ZFPM2: variants seen among roughly 807,000 people sequenced by gnomAD.
ZFPM2 encodes zinc finger protein, FOG family member 2.
ZFPM2 carries 20 observed loss-of-function variants against 98.6 expected under a neutral mutation model. That is an observed-to-expected ratio of 0.20 (90% CI 0.14 to 0.29). The LOEUF is 0.29. Ranked by LOEUF, ZFPM2 falls within the 10% of genes least tolerant of loss-of-function variation. The probability of loss-of-function intolerance (pLI) is 1.00; values close to 1 mark genes in which losing one functional copy is unlikely to be tolerated. For synonymous variants in ZFPM2, 518 were observed against 502.7 expected, an observed-to-expected ratio of 1.03 and a Z score of -0.41; for missense variants, 1,310 against 1,388.6, an observed-to-expected ratio of 0.94 and a Z score of 0.90.
intron 5 of ZFPM2, among the ~76,000 whole-genome samples, chr8:105,697,329 C>G (rs1194638863): frequency 1.3e-5 from 2 of 152,158 alleles, no homozygotes; most frequent in African/African-American, 2.4e-5. Flanking sequence ...GATGTAGTTG[C>G]CTTTGGTATA....
At chr8:105,525,925 T>G (rs1386635659) in intron 3 of ZFPM2, among the ~76,000 whole-genome samples, 1 of 152,166 alleles carries the variant, frequency 6.6e-6, no homozygotes, top group Non-Finnish European at 1.5e-5. Flanking sequence ...AAATAATACA[T>G]GGACATATTT....
chr8:105,445,866 A>G (rs1409519310), intron 3 of ZFPM2, among the ~76,000 whole-genome samples: 2 of 151,286 alleles, frequency 1.3e-5, no homozygotes, highest in Non-Finnish European at 2.9e-5. Context: ...CATCCTCCCA[A>G]GGGAATTACA....
At chr8:105,447,148 TC>T (rs1812390687) in intron 3 of ZFPM2, among the ~76,000 whole-genome samples, 1 of 151,990 alleles carries the variant, frequency 6.6e-6, no homozygotes, top group African/African-American at 2.4e-5. Flanking sequence ...TGTTTTCCTG[TC>T]TTAAAATATC....
intron 3 of ZFPM2, among the ~76,000 whole-genome samples, chr8:105,539,526 A>G (rs1222085317): frequency 1.3e-5 from 2 of 152,166 alleles, no homozygotes; most frequent in South Asian, 2.1e-4. Context: ...GAAAAAAGTA[A>G]TGCTTTGCCT....
At chr8:105,760,284 C>G (rs1812705878) in intron 5 of ZFPM2, among the ~76,000 whole-genome samples, 2 of 151,874 alleles carry the variant, frequency 1.3e-5, no homozygotes, top group Non-Finnish European at 1.5e-5. Context: ...GGGGTTGTAT[C>G]TTTTAGAGCC....
intron 5 of ZFPM2, among the ~76,000 whole-genome samples, chr8:105,669,128 A>AT (rs1460566122): frequency 6.6e-6 from 1 of 152,084 alleles, no homozygotes; most frequent in East Asian, 1.9e-4. Context: ...CAATGACTAT[A>AT]TTGCAAGCAA....
At chr8:105,737,180 T>C (rs1812094384) in intron 5 of ZFPM2, 1 of 152,064 alleles carries the variant, frequency 6.6e-6, no homozygotes. Context: ...AGATTTCCTC[T>C]CAAATTATTC....
intron 5 of ZFPM2, among the ~76,000 whole-genome samples, chr8:105,694,238 G>A (rs1232372195): frequency 2.0e-5 from 3 of 151,532 alleles, no homozygotes; most frequent in Non-Finnish European, 2.9e-5. Context: ...TGCCCCCCGC[G>A]GCCTCCCAAA....
chr8:105,784,225 G>A (rs1175546882), intron 5 of ZFPM2, among the ~76,000 whole-genome samples: 6 of 152,108 alleles, frequency 3.9e-5, no homozygotes, highest in African/African-American at 7.2e-5. Context: ...AAATTAAAGC[G>A]GGCCATATTT....
rs1266618200 is a variant in ZFPM2, at chr8:105,502,625, C to A, written c.301+58244C>A. 2.0e-5 allele frequency among the ~76,000 whole-genome samples: 3 copies of A among 152,180 alleles called. No homozygotes were observed. In the East Asian group the frequency reaches 5.8e-4, roughly 29 times the overall value. Reference sequence around the variant, plus strand: ...TAGAAAAGCAAAAGTTAGTGGGTAGCAACCAACATGGTTTTGTGAAGAGCA... The same window carrying A: ...TAGAAAAGCAAAAGTTAGTGGGTAGAAACCAACATGGTTTTGTGAAGAGCA... On this transcript the variant is annotated intron_variant, in intron 3 of 7. Coordinates refer to ENST00000407775, the MANE Select transcript of ZFPM2 (RefSeq NM_012082.4).
At chr8:105,522,355 C>G (rs1814081885) in intron 3 of ZFPM2, among the ~76,000 whole-genome samples, 1 of 152,106 alleles carries the variant, frequency 6.6e-6, no homozygotes, top group Admixed American at 6.6e-5. Flanking sequence ...AACTTTTCAC[C>G]ATGTAATTAA....
chr8:105,349,607 T>C (rs2129704004), intron 1 of ZFPM2, among the ~76,000 whole-genome samples: 1 of 152,300 alleles, frequency 6.6e-6, no homozygotes, highest in Non-Finnish European at 1.5e-5. Context: ...TTTAAGACCT[T>C]CTAGAAACTC....
At chr8:105,740,685 ATAGT>A (rs1419281428) in intron 5 of ZFPM2, among the ~76,000 whole-genome samples, 8 of 151,578 alleles carry the variant, frequency 5.3e-5, no homozygotes, top group Admixed American at 4.6e-4. Flanking sequence ...TATTTAATAA[ATAGT>A]TAGAAAATTC....
intron 1 of ZFPM2, among the ~76,000 whole-genome samples, chr8:105,378,559 T>C (rs1810777165): frequency 6.6e-6 from 1 of 152,200 alleles, no homozygotes; most frequent in Admixed American, 6.6e-5. Flanking sequence ...CTACAAATAG[T>C]TGGAGGACGC....
chr8:105,522,807 G>A (rs1273578222), intron 3 of ZFPM2, among the ~76,000 whole-genome samples: 1 of 151,948 alleles, frequency 6.6e-6, no homozygotes, highest in Non-Finnish European at 1.5e-5. Context: ...ATTTCAGTTT[G>A]AAATTATAAC....
chr8:105,607,848 C>A (rs1816226683), intron 4 of ZFPM2, among the ~76,000 whole-genome samples: 1 of 152,052 alleles, frequency 6.6e-6, no homozygotes, highest in Admixed American at 6.6e-5. Context: ...AATATCCTTA[C>A]CTGGAGGAAT....
intron 3 of ZFPM2, among the ~76,000 whole-genome samples, chr8:105,493,359 G>T (rs1336465246): frequency 6.6e-6 from 1 of 152,120 alleles, no homozygotes; most frequent in Non-Finnish European, 1.5e-5. Flanking sequence ...ATCCTTTTTG[G>T]AAAAGCAGGT....
chr8:105,627,862 T>C (rs1816687413), intron 4 of ZFPM2, among the ~76,000 whole-genome samples: 1 of 152,176 alleles, frequency 6.6e-6, no homozygotes, highest in South Asian at 2.1e-4. Context: ...AAAAGAGATC[T>C]GGAAATTGAA....
intron 1 of ZFPM2, among the ~76,000 whole-genome samples, chr8:105,379,562 T>C (rs1810800822): frequency 6.6e-6 from 1 of 152,142 alleles, no homozygotes; most frequent in Non-Finnish European, 1.5e-5. Flanking sequence ...GAGACCAGAC[T>C]GACCAACATG....
Sources: allele counts gnomAD v4.1 joint callset (sites outside exome capture counted in the v4.1 genomes callset), GRCh38; gene constraint gnomAD v4.1.1; transcripts MANE v1.5; gene names NCBI Gene and HGNC (gene_info 2026-07-23, HGNC 2026-07-21).